GRIA4: variants seen among roughly 807,000 people sequenced by gnomAD.
GRIA4 encodes glutamate receptor 4.
A neutral mutation model predicts 104.0 loss-of-function variants in GRIA4; 34 were observed. The observed-to-expected ratio is 0.33, with a 90% CI of 0.25 to 0.44. The LOEUF is 0.44. GRIA4 is among the 20% of genes least tolerant of loss of function. The pLI is 1.00. For missense variants in GRIA4, 750 were observed against 1,096.5 expected, an observed-to-expected ratio of 0.68 and a Z score of 4.46; for synonymous variants, 386 against 381.9, an observed-to-expected ratio of 1.01 and a Z score of -0.13.
At chr11:105,916,038 A>C (rs372298113) in intron 10 of GRIA4, among the ~76,000 whole-genome samples, 3 of 151,816 alleles carry the variant, frequency 2.0e-5, no homozygotes, top group Admixed American at 2.0e-4. Flanking sequence ...ACAAGAATTA[A>C]CCGGGAGTGG....
At chr11:105,784,697 A>C (rs1320164639) in intron 4 of GRIA4, among the ~76,000 whole-genome samples, 1 of 152,188 alleles carries the variant, frequency 6.6e-6, no homozygotes, top group African/African-American at 2.4e-5. Context: ...CAAATTTAAA[A>C]TTTTACAAGT....
intron 14 of GRIA4, among the ~76,000 whole-genome samples, chr11:105,959,389 G>A (rs929686920): frequency 1.4e-4 from 21 of 152,012 alleles, no homozygotes; most frequent in Admixed American, 6.6e-4. Flanking sequence ...CCACTTGGTC[G>A]ATTCGGCTGT....
chr11:105,661,427 T>G (rs1952006158), intron 3 of GRIA4, among the ~76,000 whole-genome samples: 1 of 151,680 alleles, frequency 6.6e-6, no homozygotes, highest in Non-Finnish European at 1.5e-5. Context: ...TACATAATAT[T>G]ATGTAGCCCT....
At chr11:105,921,602 C>T (rs1427124255) in intron 11 of GRIA4, among the ~76,000 whole-genome samples, 1 of 152,104 alleles carries the variant, frequency 6.6e-6, no homozygotes, top group African/African-American at 2.4e-5. Context: ...CACCTTCATA[C>T]AACGTTCACT....
rs558306834 is a variant in GRIA4 at position 105,646,403 on chromosome 11, G to A, written c.247+33969G>A. Among the ~76,000 whole-genome samples, 22 of 152,192 alleles carry A rather than the reference G, an allele frequency of 1.4e-4. 1 individual carries two copies. The South Asian group carries it at 4.4e-3, about 30-fold the overall frequency. On this transcript the variant is annotated intron_variant, in intron 3 of 16. Transcript: ENST00000282499. ...AGCCCAGGAGTTCGATACCAGCCTTGGCAACATAGTGAGACTCTGTCTCTA... is the reference window on the plus strand; with the variant it reads ...AGCCCAGGAGTTCGATACCAGCCTTAGCAACATAGTGAGACTCTGTCTCTA...
chr11:105,703,488 G>T (rs988759037), intron 3 of GRIA4, among the ~76,000 whole-genome samples: 1 of 152,000 alleles, frequency 6.6e-6, no homozygotes, highest in Non-Finnish European at 1.5e-5. Flanking sequence ...AAAGAAAAGT[G>T]TTCATGAAAT....
chr11:105,841,746 G>A (rs1407384610), intron 4 of GRIA4, among the ~76,000 whole-genome samples: 2 of 152,044 alleles, frequency 1.3e-5, no homozygotes, highest in Non-Finnish European at 2.9e-5. Context: ...TCCAAAGACC[G>A]TGGAGCACCT....
chr11:105,712,430 T>C (rs2135551817), intron 3 of GRIA4, among the ~76,000 whole-genome samples: 1 of 152,132 alleles, frequency 6.6e-6, no homozygotes, highest in Admixed American at 6.6e-5. Flanking sequence ...TATATATTCT[T>C]ATTCATGCTT....
intron 4 of GRIA4, among the ~76,000 whole-genome samples, chr11:105,775,489 A>T (rs960038844): frequency 3.9e-5 from 6 of 152,174 alleles, no homozygotes; most frequent in Non-Finnish European, 8.8e-5. Context: ...AAAGGAAAAA[A>T]TTTAAAGACA....
chr11:105,684,169 G>A (rs191110565), intron 3 of GRIA4, among the ~76,000 whole-genome samples: 8 of 152,026 alleles, frequency 5.3e-5, no homozygotes, highest in East Asian at 1.9e-4. Context: ...CCACTGCGCC[G>A]GGCCAAATGC....
chr11:105,803,860 A>G (rs1565248766), intron 4 of GRIA4, among the ~76,000 whole-genome samples: 1 of 150,480 alleles, frequency 6.6e-6, no homozygotes, highest in Admixed American at 6.6e-5. Flanking sequence ...AAAAAAAAAA[A>G]AAGAGAGAGA....
intron 13 of GRIA4, among the ~76,000 whole-genome samples, chr11:105,931,557 T>C (rs549474453): frequency 2.6e-5 from 4 of 151,702 alleles, no homozygotes; most frequent in African/African-American, 9.7e-5. Flanking sequence ...ATACAAAAAT[T>C]AGCTGGGTGT....
intron 4 of GRIA4, among the ~76,000 whole-genome samples, chr11:105,836,817 T>C (rs1371748482): frequency 6.6e-6 from 1 of 152,186 alleles, no homozygotes; most frequent in Non-Finnish European, 1.5e-5. Context: ...GAATTTACTA[T>C]ATGTGTGTAT....
intron 3 of GRIA4, among the ~76,000 whole-genome samples, chr11:105,711,868 G>A (rs1953922915): frequency 6.6e-6 from 1 of 152,124 alleles, no homozygotes; most frequent in South Asian, 2.1e-4. Flanking sequence ...TCTTGGGCAA[G>A]TTATTAAAAC....
At chr11:105,713,737 T>C (rs928974661) in intron 3 of GRIA4, among the ~76,000 whole-genome samples, 1 of 152,198 alleles carries the variant, frequency 6.6e-6, no homozygotes, top group Admixed American at 6.6e-5. Flanking sequence ...TATTAATTAA[T>C]ATATGCTAAT....
intron 5 of GRIA4, 45 bp from the exon 6 acceptor site, chr11:105,887,474 A>C: frequency 1.3e-6 from 1 of 759,010 alleles, no homozygotes; most frequent in South Asian, 1.7e-5. Flanking sequence ...ATAATATTTC[A>C]GTGAATTAAA....
intron 4 of GRIA4, among the ~76,000 whole-genome samples, chr11:105,827,614 G>A (rs1943820785): frequency 6.6e-6 from 1 of 151,846 alleles, no homozygotes; most frequent in African/African-American, 2.4e-5. Context: ...AAGATAATGA[G>A]ATCTAAAAAA....
At chr11:105,690,068 T>C (rs1953029778) in intron 3 of GRIA4, among the ~76,000 whole-genome samples, 1 of 152,196 alleles carries the variant, frequency 6.6e-6, no homozygotes, top group Non-Finnish European at 1.5e-5. Context: ...CCAAGAATCA[T>C]TTGATTTCAT....
At chr11:105,641,561 T>C (rs1951360324) in intron 3 of GRIA4, among the ~76,000 whole-genome samples, 1 of 152,194 alleles carries the variant, frequency 6.6e-6, no homozygotes, top group Non-Finnish European at 1.5e-5. Flanking sequence ...AGATAGAGCA[T>C]ATCTTACAAA....
Sources: gnomAD v4.1 joint callset for allele counts (sites outside exome capture counted in the v4.1 genomes callset) on GRCh38, gnomAD v4.1.1 for gene constraint, MANE v1.5 for transcripts, NCBI Gene and HGNC (gene_info 2026-07-23, HGNC 2026-07-21) for gene names.